RRM1: variants seen among roughly 807,000 people sequenced by gnomAD.
RRM1 encodes ribonucleotide reductase catalytic subunit M1.
A neutral mutation model predicts 101.5 loss-of-function variants in RRM1; 19 were observed. That is an observed-to-expected ratio of 0.19 (90% CI 0.13 to 0.27). RRM1 has a LOEUF of 0.27. Among genes scored for constraint, RRM1 ranks in the 10% least tolerant of loss-of-function variants. RRM1 has a pLI of 1.00. For missense variants in RRM1, 500 were observed against 962.9 expected (o/e 0.52, Z 6.36); for synonymous variants, 298 against 323.4 (o/e 0.92, Z 0.84).
intron 12 of RRM1, 59 bp from the exon 13 acceptor site, chr11:4,126,625 T>C: frequency 3.3e-6 from 5 of 1,523,750 alleles, no homozygotes; most frequent in Non-Finnish European, 3.6e-6. Context: ...GGTGGTGTAA[T>C]TGACACAGGA....
chr11:4,136,987 C>T (rs900339167), intron 18 of RRM1: 1 of 162,426 alleles, frequency 6.2e-6, no homozygotes, highest in Non-Finnish European at 1.3e-5. Flanking sequence ...GAGCATGCTG[C>T]CTTCAAGCAT....
intron 7 of RRM1, among the ~76,000 whole-genome samples, chr11:4,117,577 A>T (rs1407427888): frequency 6.6e-6 from 1 of 152,256 alleles, no homozygotes; most frequent in Non-Finnish European, 1.5e-5. Context: ...AGTGTATAAC[A>T]TGTAAAAATG....
intron 5 of RRM1, among the ~76,000 whole-genome samples, chr11:4,110,177 G>A (rs1293619597): frequency 6.6e-6 from 1 of 151,726 alleles, no homozygotes; most frequent in Admixed American, 6.6e-5. Context: ...TTTTGAGTCT[G>A]TGTCTCACTG....
chr11:4,124,820 A>G (rs981009070), intron 12 of RRM1, among the ~76,000 whole-genome samples: 9 of 141,124 alleles, frequency 6.4e-5, no homozygotes, highest in Non-Finnish European at 1.3e-4. Context: ...AAAATGTACA[A>G]TTCAGTGTTT....
At position 4,132,278 on chromosome 11, in the gene RRM1, T is replaced by C; in HGVS notation, c.1770-8T>C. ...GGGACTAGTACCTGATAATCTCCTTTTCTTTAGGTATGGTATAAGAAACAG... is the reference window on the plus strand; with the variant it reads ...GGGACTAGTACCTGATAATCTCCTTCTCTTTAGGTATGGTATAAGAAACAG... On this transcript the variant is annotated splice_region_variant and splice_polypyrimidine_tract_variant and intron_variant, in intron 15 of 18. Transcript: ENST00000300738. This position sits in a 1 kb window ranked among gnomAD's most constrained non-coding sequence, Gnocchi z 4.1. 6.2e-7 allele frequency: 1 copy of C among 1,614,066 alleles called. No individual in the cohort carries two copies. The highest frequency in any genetic ancestry group is 8.5e-7 in the Non-Finnish European group (1 of 1,179,950).
In RRM1 at chr11:4,132,314, G is replaced by A; in HGVS notation, c.1798G>A (p.Ala600Thr). 1 of 1,614,038 alleles carries A rather than the reference G, an allele frequency of 6.2e-7. No individual in the cohort carries two copies. Among genetic ancestry groups the A allele is most frequent in the South Asian group, 1.1e-5 (1 of 91,074 alleles). The change falls in exon 16 of 19, where the codon GCC becomes ACC. Residue 600 changes from alanine (A) to threonine (T), a missense_variant. Physicochemically the swap from Ala to Thr is moderately conservative, Grantham distance 58. Transcript: ENST00000300738. This position sits in a 1 kb window ranked among gnomAD's most constrained non-coding sequence, Gnocchi z 4.1. ...KYGIRNSLLI[A>T]PMPTASTAQI... ...TGGTATAAGAAACAGTTTACTTATT[G>A]CCCCGATGCCTACAGCTTCCACTGC...
intron 1 of RRM1, 107 bp downstream of exon 1, chr11:4,095,138 C>T (rs542411633): frequency 4.7e-4 from 589 of 1,252,332 alleles, no homozygotes; most frequent in Admixed American, 8.2e-4. Context: ...TCCCGCCTTT[C>T]CCGCATTTCC....
rs1396504041 is a variant in RRM1, at chr11:4,138,406, C to T, written c.*23C>T. 1.3e-6 allele frequency: 2 copies of T among 1,562,682 alleles called. No homozygotes were observed. The highest frequency in any genetic ancestry group is 1.4e-5 in the African/African-American group (1 of 73,264). ...TGAGGAAAGACTTGGAAGAGACCAG[C>T]ATGTCTTCAGTAGCCAAACTACTTC... is the stretch of plus-strand genomic sequence containing the variant. On this transcript the variant is annotated 3_prime_UTR_variant, in exon 19 of 19. Coordinates refer to ENST00000300738, the MANE Select transcript of RRM1 (RefSeq NM_001033.5).
chr11:4,121,498 C>A (rs1371973170), intron 9 of RRM1, 106 bp from the exon 10 acceptor site: 2 of 633,666 alleles, frequency 3.2e-6, no homozygotes, highest in African/African-American at 1.9e-5. Context: ...TTATTTAATT[C>A]ATTGTAGTGA....
At chr11:4,109,847 A>C in intron 5 of RRM1, 144 bp downstream of exon 5, 3 of 554,192 alleles carry the variant, frequency 5.4e-6, no homozygotes, top group South Asian at 6.6e-5. Flanking sequence ...TTAAGGTAGC[A>C]GTGGTGGTTT....
intron 1 of RRM1, among the ~76,000 whole-genome samples, chr11:4,098,684 C>G (rs979135048): frequency 6.6e-6 from 1 of 152,148 alleles, no homozygotes; most frequent in Non-Finnish European, 1.5e-5. Flanking sequence ...CCTCTTTGTG[C>G]TAGGAACCGT....
intron 17 of RRM1, 72 bp downstream of exon 17, chr11:4,133,730 G>C (rs1184482837): frequency 7.3e-6 from 6 of 822,138 alleles, no homozygotes; most frequent in Non-Finnish European, 1.2e-5. Flanking sequence ...ACTCATGCTA[G>C]ACAATGGAGA....
intron 1 of RRM1, chr11:4,099,371 GA>G (rs1464481602): frequency 7.2e-6 from 1 of 139,652 alleles, no homozygotes; most frequent in African/African-American, 2.7e-5. Context: ...TCGAACTCCT[GA>G]CCTCAGGTGA....
At chr11:4,103,156 C>T (rs2094553897) in intron 2 of RRM1, among the ~76,000 whole-genome samples, 1 of 152,164 alleles carries the variant, frequency 6.6e-6, no homozygotes, top group African/African-American at 2.4e-5. Flanking sequence ...CTTTGTCCTC[C>T]CCTAGAATTG....
At chr11:4,137,359 C>CT (rs2094613047) in intron 18 of RRM1, 1 of 172,604 alleles carries the variant, frequency 5.8e-6, no homozygotes. Flanking sequence ...GGCAGAGGCG[C>CT]CCCTCACCTC....
intron 7 of RRM1, 63 bp downstream of exon 7, chr11:4,112,125 A>T (rs1334217878): frequency 7.8e-6 from 10 of 1,286,210 alleles, no homozygotes; most frequent in Non-Finnish European, 1.1e-5. Flanking sequence ...AGTTCATCAC[A>T]TAAAAAATAA....
intron 3 of RRM1, 33 bp downstream of exon 3, chr11:4,106,256 A>C (rs1022738556): frequency 6.5e-7 from 1 of 1,549,030 alleles, no homozygotes; most frequent in African/African-American, 1.4e-5. Context: ...AAAATTTAGT[A>C]CTCTCAGAAA....
At chr11:4,122,086 A>G in intron 10 of RRM1, 55 bp from the exon 11 acceptor site, 1 of 1,327,080 alleles carries the variant, frequency 7.5e-7, no homozygotes, top group Non-Finnish European at 1.1e-6. Context: ...TTTCTAATGG[A>G]TTATGGTTGG....
intron 14 of RRM1, among the ~76,000 whole-genome samples, chr11:4,127,602 G>A (rs1236760991): frequency 1.3e-5 from 2 of 152,198 alleles, no homozygotes; most frequent in African/African-American, 4.8e-5. Context: ...CTCTTCTAGT[G>A]CCTCTGGAGG....
Sources: gnomAD v4.1 joint callset for allele counts (sites outside exome capture counted in the v4.1 genomes callset) on GRCh38, gnomAD v4.1.1 for gene constraint, Gnocchi (gnomAD v3.1) non-coding constraint, MANE v1.5 for transcripts, NCBI Gene and HGNC (gene_info 2026-07-23, HGNC 2026-07-21) for gene names.